RANBP17: variants seen among roughly 807,000 people sequenced by gnomAD.
The protein encoded by RANBP17 is ran-binding protein 17.
Under a neutral mutation model 141.2 loss-of-function variants are expected in RANBP17, and 158 were observed. The observed-to-expected ratio is 1.12, with a 90% CI of 0.98 to 1.28. The LOEUF (loss-of-function observed/expected upper bound fraction) is 1.28. RANBP17 is among the 50% of genes most tolerant of loss of function. The pLI, the probability that RANBP17 is intolerant of heterozygous loss-of-function variation, is 0.00. For synonymous variants in RANBP17, 430 were observed against 450.0 expected, an observed-to-expected ratio of 0.96 and a Z score of 0.56; for missense variants, 1,438 against 1,290.7, an observed-to-expected ratio of 1.11 and a Z score of -1.75.
At chr5:171,154,894 A>G (rs1235042370) in intron 14 of RANBP17, among the ~76,000 whole-genome samples, 2 of 151,464 alleles carry the variant, frequency 1.3e-5, no homozygotes, top group Admixed American at 1.3e-4. Flanking sequence ...TGGCCAACAT[A>G]ATGAAACCCT....
chr5:170,998,137 A>T (rs1053793619), intron 14 of RANBP17, among the ~76,000 whole-genome samples: 3 of 151,738 alleles, frequency 2.0e-5, no homozygotes, highest in African/African-American at 7.3e-5. Context: ...TAACTTGATT[A>T]TATAGATGAA....
At chr5:171,122,245 C>G (rs893767561) in intron 14 of RANBP17, among the ~76,000 whole-genome samples, 1 of 152,210 alleles carries the variant, frequency 6.6e-6, no homozygotes, top group Non-Finnish European at 1.5e-5. Context: ...TTTCATCACT[C>G]CAGTCAAATC....
At chr5:171,135,251 G>A (rs1581708038) in intron 14 of RANBP17, among the ~76,000 whole-genome samples, 1 of 147,360 alleles carries the variant, frequency 6.8e-6, no homozygotes, top group Non-Finnish European at 1.5e-5. Context: ...CTGCACTCCA[G>A]CCTGGGCAAC....
At chr5:170,907,718 A>G (rs925414534) in intron 5 of RANBP17, among the ~76,000 whole-genome samples, 1 of 152,030 alleles carries the variant, frequency 6.6e-6, no homozygotes, top group African/African-American at 2.4e-5. Flanking sequence ...TTAAGGAATA[A>G]GCGAAATAAT....
chr5:171,232,958 C>A (rs72827591), intron 22 of RANBP17, among the ~76,000 whole-genome samples: 6 of 152,270 alleles, frequency 3.9e-5, no homozygotes, highest in Non-Finnish European at 7.3e-5. Context: ...TTCAGTCATT[C>A]ATTCAACAAA....
intron 12 of RANBP17, among the ~76,000 whole-genome samples, chr5:170,942,480 A>G (rs891588450): frequency 3.9e-5 from 6 of 152,158 alleles, no homozygotes; most frequent in South Asian, 2.1e-4. Flanking sequence ...ATGAAAAGCA[A>G]CTCTCAGGAA....
At chr5:171,076,461 GAACCACTTCAGC>G (rs1343610349) in intron 14 of RANBP17, among the ~76,000 whole-genome samples, 4 of 152,110 alleles carry the variant, frequency 2.6e-5, no homozygotes, top group Non-Finnish European at 5.9e-5. Flanking sequence ...CTAGAAATAA[GAACCACTTCAGC>G]AATAATGAAA....
In RANBP17 at chr5:171,265,682, T is replaced by C; in HGVS notation, c.2778T>C (p.Asp926=). ...TSISEGLTTL[D]TVVSSSCCTS... ...AATTCTTATTTACTATTTGTACAGA[T>C]ACAGTTGTCTCCTCCAGCTGCTGTA... Residue 926 remains aspartate, a splice_region_variant and synonymous_variant, in exon 25 of 28, where the codon GAT becomes GAC. Coordinates refer to ENST00000523189, the MANE Select transcript of RANBP17 (RefSeq NM_022897.5). The C allele has an allele frequency of 6.2e-7, 1 of 1,610,446 alleles. No homozygotes were observed. The highest frequency in any genetic ancestry group is 8.5e-7 in the Non-Finnish European group (1 of 1,178,930).
chr5:170,892,357 C>G, intron 3 of RANBP17, 30 bp from the exon 4 acceptor site: 1 of 1,304,014 alleles, frequency 7.7e-7, no homozygotes, highest in East Asian at 4.8e-5. Flanking sequence ...CTGAAAAGTC[C>G]AGATGACCCA....
At chr5:171,295,060 A>G (rs1293480266) in intron 26 of RANBP17, among the ~76,000 whole-genome samples, 2 of 152,208 alleles carry the variant, frequency 1.3e-5, no homozygotes, top group Non-Finnish European at 1.5e-5. Context: ...CTGACTACAT[A>G]TTAATTATGT....
intron 14 of RANBP17, among the ~76,000 whole-genome samples, chr5:171,012,051 A>G (rs1255683639): frequency 7.1e-6 from 1 of 140,366 alleles, no homozygotes; most frequent in Non-Finnish European, 1.6e-5. Flanking sequence ...TAAACAAATT[A>G]TATTATTTGT....
chr5:170,864,244 G>T (rs1260502456), intron 1 of RANBP17, among the ~76,000 whole-genome samples: 1 of 152,154 alleles, frequency 6.6e-6, no homozygotes, highest in Non-Finnish European at 1.5e-5. Context: ...ACCCAAAAGG[G>T]CAGCTAGGCA....
chr5:170,959,658 T>C (rs182338638), intron 13 of RANBP17, among the ~76,000 whole-genome samples: 1 of 152,354 alleles, frequency 6.6e-6, no homozygotes, highest in East Asian at 1.9e-4. Flanking sequence ...GTAAACCTTA[T>C]TGATAACATA....
chr5:171,103,337 G>A (rs78010733), intron 14 of RANBP17, among the ~76,000 whole-genome samples: 6,987 of 152,234 alleles, frequency 0.046, 203 homozygotes, highest in East Asian at 0.12. Context: ...TGGCTACAGC[G>A]ACTTTGCCTA....
At chr5:170,980,779 T>C (rs569918029) in intron 14 of RANBP17, among the ~76,000 whole-genome samples, 2 of 152,322 alleles carry the variant, frequency 1.3e-5, no homozygotes, top group African/African-American at 4.8e-5. Flanking sequence ...AAGGGAAATG[T>C]GGGGTTGGAG....
At chr5:170,894,506 A>ATATATATATATG (rs1180387299) in intron 4 of RANBP17, among the ~76,000 whole-genome samples, 2 of 147,762 alleles carry the variant, frequency 1.4e-5, no homozygotes, top group African/African-American at 2.5e-5. Flanking sequence ...ATATATATAT[A>ATATATATATATG]TGGCTTGACC....
chr5:171,179,015 T>G (rs568413154), intron 16 of RANBP17, among the ~76,000 whole-genome samples: 24 of 152,194 alleles, frequency 1.6e-4, no homozygotes, highest in Non-Finnish European at 3.2e-4. Context: ...GTGCAGAAGC[T>G]CTTTCATTTA....
chr5:170,884,918 A>T (rs373480140), intron 3 of RANBP17, among the ~76,000 whole-genome samples: 19 of 143,740 alleles, frequency 1.3e-4, no homozygotes, highest in African/African-American at 4.8e-4. Context: ...ATCATCTGTA[A>T]ATTCTGATGT....
At chr5:171,251,759 C>T in intron 24 of RANBP17, 1 of 908,816 alleles carries the variant, frequency 1.1e-6, no homozygotes, top group East Asian at 2.6e-5. Context: ...CCGTTCCCCT[C>T]CTCCCGCGCC....
Sources: gnomAD v4.1 joint callset for allele counts (sites outside exome capture counted in the v4.1 genomes callset) on GRCh38, gnomAD v4.1.1 for gene constraint, MANE v1.5 for transcripts, NCBI Gene and HGNC (gene_info 2026-07-23, HGNC 2026-07-21) for gene names.